Variants in SMURF1 observed in about 807,000 individuals in gnomAD.
The protein encoded by SMURF1 is E3 ubiquitin-protein ligase SMURF1.
A neutral mutation model predicts 98.0 loss-of-function variants in SMURF1; 44 were observed. The observed-to-expected ratio is 0.45, with a 90% confidence interval of 0.35 to 0.58. The LOEUF (loss-of-function observed/expected upper bound fraction) is 0.58. Among genes scored for constraint, SMURF1 ranks in the 20% least tolerant of loss-of-function variants. SMURF1 has a pLI of 0.00. For missense variants in SMURF1, 687 were observed against 938.4 expected, an observed-to-expected ratio of 0.73 and a Z score of 3.50; for synonymous variants, 396 against 374.9, an observed-to-expected ratio of 1.06 and a Z score of -0.65.
intron 1 of SMURF1, among the ~76,000 whole-genome samples, chr7:99,114,935 G>C (rs1258978957): frequency 6.6e-6 from 1 of 151,998 alleles, no homozygotes; most frequent in Non-Finnish European, 1.5e-5. Context: ...AAAATACTTT[G>C]AGAAGAATGA....
chr7:99,136,827 G>C (rs921346457), intron 1 of SMURF1, among the ~76,000 whole-genome samples: 2 of 152,108 alleles, frequency 1.3e-5, no homozygotes, highest in Admixed American at 6.5e-5. Flanking sequence ...GCACATGCCT[G>C]TGGTCTCAGC....
chr7:99,095,745 G>A (rs111618587), intron 1 of SMURF1, among the ~76,000 whole-genome samples: 1 of 152,198 alleles, frequency 6.6e-6, no homozygotes, highest in African/African-American at 2.4e-5. Context: ...AGCCACGGGG[G>A]CCTGGGGGAG....
At chr7:99,040,256 T>C in intron 13 of SMURF1, 122 bp downstream of exon 13, 12 of 1,089,286 alleles carry the variant, frequency 1.1e-5, no homozygotes, top group Non-Finnish European at 1.5e-5. Flanking sequence ...CAGGTTATAA[T>C]ACAATGGCTT....
intron 3 of SMURF1, among the ~76,000 whole-genome samples, chr7:99,057,982 A>T (rs963400132): frequency 2.0e-5 from 3 of 152,132 alleles, no homozygotes; most frequent in African/African-American, 4.8e-5. Flanking sequence ...TGTATTACAC[A>T]TGTAACAGGC....
intron 1 of SMURF1, 126 bp from the exon 2 acceptor site, chr7:99,061,963 C>A: frequency 1.6e-6 from 1 of 636,434 alleles, no homozygotes; most frequent in Non-Finnish European, 2.6e-6. Flanking sequence ...ACTTTCAAAT[C>A]TAGTATCATA....
intron 1 of SMURF1, among the ~76,000 whole-genome samples, chr7:99,091,076 G>C (rs1489159187): frequency 6.6e-6 from 1 of 152,194 alleles, no homozygotes; most frequent in Non-Finnish European, 1.5e-5. Flanking sequence ...GGCCTGCAAA[G>C]CATAAAATAT....
At chr7:99,128,897 T>C (rs1797801600) in intron 1 of SMURF1, among the ~76,000 whole-genome samples, 1 of 152,252 alleles carries the variant, frequency 6.6e-6, no homozygotes, top group South Asian at 2.1e-4. Flanking sequence ...AAGCCAATCT[T>C]AGGTGTTATA....
At chr7:99,050,711 T>G in intron 8 of SMURF1, 1 of 462,690 alleles carries the variant, frequency 2.2e-6, no homozygotes, top group Non-Finnish European at 3.9e-6. Context: ...CCAGTCTCAT[T>G]ATAGGTACTG....
At position 99,040,493 on chromosome 7, in the gene SMURF1, A is replaced by G. The variant is rs748198213; in HGVS notation, c.1435T>C (p.Tyr479His). ...GGCACTGTGAAGCCCCCGTTGATGT[A>G]GTGTCCATGGAACACAGCCAGCCCC... ...IMGLAVFHGHYINGGFTVPFY... is the reference protein window; with the variant it reads ...IMGLAVFHGHHINGGFTVPFY... The change falls in exon 13 of 18, where the codon TAC becomes CAC. Residue 479 changes from tyrosine to histidine, a missense_variant. Around this residue, in one of 2 missense-constraint regions of SMURF1, gnomAD observed 272 missense variants for 430.0 expected, o/e 0.63. Transcript: ENST00000361368. 3 of 1,587,774 alleles carry G rather than the reference A, an allele frequency of 1.9e-6. No homozygotes were observed. Among genetic ancestry groups the G allele is most frequent in the Admixed American group, 1.8e-5 (1 of 55,920 alleles).
At chr7:99,032,040 G>A (rs1794913894) in intron 17 of SMURF1, among the ~76,000 whole-genome samples, 1 of 152,188 alleles carries the variant, frequency 6.6e-6, no homozygotes, top group Non-Finnish European at 1.5e-5. Flanking sequence ...TCATAAGCAG[G>A]ATTCCAAGAA....
intron 1 of SMURF1, among the ~76,000 whole-genome samples, chr7:99,080,289 GT>G (rs571880030): frequency 3.6e-4 from 54 of 148,290 alleles, no homozygotes; most frequent in African/African-American, 1.3e-3. Context: ...ACCTAGATAA[GT>G]TTTTTGTTTT....
intron 1 of SMURF1, among the ~76,000 whole-genome samples, chr7:99,137,617 G>T (rs1798022455): frequency 6.6e-6 from 1 of 152,210 alleles, no homozygotes; most frequent in South Asian, 2.1e-4. Context: ...GCATCACCCA[G>T]CAGCCAGGAG....
chr7:99,053,536 T>G (rs1339286839), intron 6 of SMURF1, among the ~76,000 whole-genome samples: 2 of 152,244 alleles, frequency 1.3e-5, no homozygotes, highest in Non-Finnish European at 2.9e-5. Context: ...GTCTCAAGTT[T>G]GTTTGAATAT....
In SMURF1 at chr7:99,040,579, C is replaced by G. The variant is rs200957055; in HGVS notation, c.1372-23G>C. 13 of 1,399,938 alleles carry G rather than the reference C, an allele frequency of 9.3e-6. No individual in the cohort carries two copies. The South Asian group carries it at 2.3e-4, about 25-fold the overall frequency. The allele number at this position is 1,399,938 out of a possible 1,614,324, so 86.7% of individuals were successfully genotyped here. ...GTCCTGTAGGGGGCACCAGAGAACACGAATTTGTCAGCATGGTGCCGGCCA... is the reference window on the plus strand; with the variant it reads ...GTCCTGTAGGGGGCACCAGAGAACAGGAATTTGTCAGCATGGTGCCGGCCA... On this transcript the variant is annotated intron_variant, in intron 12 of 17. Coordinates refer to ENST00000361368, the MANE Select transcript of SMURF1 (RefSeq NM_181349.3).
chr7:99,039,742 G>A (rs1192428633), intron 13 of SMURF1, among the ~76,000 whole-genome samples: 1 of 152,130 alleles, frequency 6.6e-6, no homozygotes, highest in Non-Finnish European at 1.5e-5. Flanking sequence ...GACACAACCA[G>A]GAGCCCCGAC....
At chr7:99,101,115 TTA>T (rs1797068425) in intron 1 of SMURF1, among the ~76,000 whole-genome samples, 1 of 152,204 alleles carries the variant, frequency 6.6e-6, no homozygotes, top group Non-Finnish European at 1.5e-5. Context: ...AACAAAACTA[TTA>T]TTAAGTTCTG....
At chr7:99,085,374 AAAG>A (rs1253571874) in intron 1 of SMURF1, among the ~76,000 whole-genome samples, 2 of 150,662 alleles carry the variant, frequency 1.3e-5, no homozygotes, top group African/African-American at 4.9e-5. Context: ...AAAAAAAAGA[AAAG>A]AAAAGAAAAG....
rs372059496 is a variant in SMURF1 at position 99,052,170 on chromosome 7, G to A, written c.721+35C>T. On this transcript the variant is annotated intron_variant, in intron 7 of 17. Transcript: ENST00000361368. ...AAAGTCAACTCATGGAAACAGGGCA[G>A]ATGGCATTGGCCACAGCAGGATACA... 9.4e-6 allele frequency: 14 copies of A among 1,483,722 alleles called. No individual in the cohort carries two copies. The African/African-American group carries it at 1.4e-4, about 15-fold the overall frequency. 91.9% of individuals were successfully genotyped at this position (1,483,722 alleles called of 1,614,324 possible).
In SMURF1 at chr7:99,048,003, T is replaced by C. The variant is rs1584458272; in HGVS notation, c.954-121A>G. 3 of 933,914 alleles carry C rather than the reference T, an allele frequency of 3.2e-6. No homozygotes were observed. In the East Asian group the frequency reaches 7.3e-5, roughly 23 times the overall value. 57.9% of individuals were successfully genotyped at this position (933,914 alleles called of 1,614,324 possible). A position where few individuals can be genotyped will look rare whatever the true frequency, so the allele number is the denominator to read the frequency against. On this transcript the variant is annotated intron_variant, in intron 9 of 17. Coordinates refer to ENST00000361368, the MANE Select transcript of SMURF1 (RefSeq NM_181349.3). ...TGCACACAACTTCAGGGAGAATTTG[T>C]TTCCCTGATGACGTAACCAGGTACC...
Sources: gnomAD v4.1 joint callset for allele counts (sites outside exome capture counted in the v4.1 genomes callset) on GRCh38, gnomAD v4.1.1 for gene constraint, gnomAD v4.1.1 regional missense constraint, MANE v1.5 for transcripts, NCBI Gene and HGNC (gene_info 2026-07-23, HGNC 2026-07-21) for gene names.